CDKL5: variants seen among roughly 807,000 people sequenced by gnomAD.
CDKL5 encodes cyclin dependent kinase like 5.
Under a neutral mutation model 61.7 loss-of-function variants are expected in CDKL5, and 8 were observed. That is an observed-to-expected ratio of 0.13 (90% CI 0.08 to 0.23). The LOEUF (loss-of-function observed/expected upper bound fraction) is 0.23, where lower values mean the gene tolerates loss of function less well. Among genes scored for constraint, CDKL5 ranks in the 10% least tolerant of loss-of-function variants. CDKL5 has a pLI of 1.00. For synonymous variants in CDKL5, 275 were observed against 272.3 expected, an observed-to-expected ratio of 1.01 and a Z score of -0.10; for missense variants, 440 against 734.5, an observed-to-expected ratio of 0.60 and a Z score of 4.63.
chrX:18,429,303 A>T (rs910145624), intron 1 of CDKL5, among the ~76,000 whole-genome samples: 1 of 111,852 alleles, frequency 8.9e-6, no homozygotes, highest in African/African-American at 3.2e-5. Context: ...GTTTGAGACA[A>T]TCCTAATCAG....
chrX:18,442,434 T>C (rs1177077959), intron 1 of CDKL5: 1 of 111,842 alleles, frequency 8.9e-6, no homozygotes, highest in Non-Finnish European at 1.9e-5. Flanking sequence ...GTACTCTCCT[T>C]AGTTTTTGAG....
At chrX:18,477,115 G>A (rs1047165360) in intron 1 of CDKL5, among the ~76,000 whole-genome samples, 5 of 107,702 alleles carry the variant, frequency 4.6e-5, no homozygotes, top group Admixed American at 4.1e-4. Flanking sequence ...TTTTTGAGAC[G>A]GAGTCTCGCT....
At chrX:18,466,824 C>T in intron 1 of CDKL5, among the ~76,000 whole-genome samples, 1 of 111,347 alleles carries the variant, frequency 9.0e-6, no homozygotes, top group Non-Finnish European at 1.9e-5. Flanking sequence ...ATTTCCTAGT[C>T]CTTGTTCTTA....
At chrX:18,652,176 G>A (rs1305418510) in intron 21 of CDKL5, among the ~76,000 whole-genome samples, 1 of 111,421 alleles carries the variant, frequency 9.0e-6, no homozygotes, top group African/African-American at 3.3e-5. Flanking sequence ...TGGACAGATG[G>A]ATGGAGAGAT....
chrX:18,538,057 G>A (rs1923903438), intron 3 of CDKL5, among the ~76,000 whole-genome samples: 1 of 111,848 alleles, frequency 8.9e-6, no homozygotes, highest in African/African-American at 3.3e-5. Context: ...CTTCCCATCA[G>A]CAATGTGTGA....
At chrX:18,486,798 C>A (rs1389268227) in intron 1 of CDKL5, among the ~76,000 whole-genome samples, 1 of 111,918 alleles carries the variant, frequency 8.9e-6, no homozygotes, top group Admixed American at 9.5e-5. Flanking sequence ...TCAGATTTAT[C>A]TTTAATGCAG....
chrX:18,512,262 G>A (rs1017405896), intron 3 of CDKL5, among the ~76,000 whole-genome samples: 1 of 111,579 alleles, frequency 9.0e-6, no homozygotes, highest in Admixed American at 9.6e-5. Context: ...AAGTTTTTTC[G>A]TGATGTTTCA....
chrX:18,547,759 C>T (rs192670519), intron 3 of CDKL5, among the ~76,000 whole-genome samples: 2 of 111,875 alleles, frequency 1.8e-5, no homozygotes, highest in Admixed American at 9.5e-5. Context: ...ATTGAGCAGA[C>T]TTTTAGTTAC....
chrX:18,545,476 A>G (rs752604349), intron 3 of CDKL5, among the ~76,000 whole-genome samples: 21 of 112,234 alleles, frequency 1.9e-4, no homozygotes, highest in South Asian at 3.7e-4. Context: ...TATCCATGCC[A>G]GTACATTTAA....
At chrX:18,522,335 C>CTTTTTT (rs369618121) in intron 3 of CDKL5, among the ~76,000 whole-genome samples, 1 of 37,530 alleles carries the variant, frequency 2.7e-5, no homozygotes, top group African/African-American at 1.2e-4. Flanking sequence ...CAGGCTGGAG[C>CTTTTTT]TTTTTTTTTT....
Position 18,579,856 on chromosome X carries a change from C to T in CDKL5, c.291C>T (p.Leu97=), listed in dbSNP as rs138125282. Residue 97 remains leucine (L), a synonymous_variant, in exon 6 of 18, where the codon CTC becomes CTT. Transcript: ENST00000623535. Reference sequence around the variant, plus strand: ...CTCTATTTAATTTTTAGAATATGCTCGAATTGCTGGAAGAAATGCCAAATG... The same window carrying T: ...CTCTATTTAATTTTTAGAATATGCTTGAATTGCTGGAAGAAATGCCAAATG... The part of the protein sequence containing the change: ...LVFEYVEKNM[L]ELLEEMPNGV... 14 of 1,205,033 alleles carry T rather than the reference C, an allele frequency of 1.2e-5. No homozygotes were observed. Among genetic ancestry groups the T allele is most frequent in the Middle Eastern group, 4.6e-4 (2 of 4,354 alleles).
chrX:18,604,140 C>T lies in CDKL5; in HGVS notation c.1216C>T (p.Leu406Phe). ...DLTNNNIPHLLSPKEAKSKTE... is the reference protein window; with the variant it reads ...DLTNNNIPHLFSPKEAKSKTE... ...CACCAACAACAACATACCACACCTT[C>T]TTAGCCCAAAAGAAGCCAAGTCAAA... Residue 406 changes from leucine (L) to phenylalanine (F), a missense_variant, in exon 12 of 18, where the codon CTT (leucine) becomes TTT (phenylalanine). Around this residue, in one of 2 missense-constraint regions of CDKL5, gnomAD observed 363 missense variants for 516.3 expected, o/e 0.70. Coordinates refer to ENST00000623535, the MANE Select transcript of CDKL5 (RefSeq NM_001323289.2). 8.3e-7 allele frequency: 1 copy of T among 1,211,917 alleles called. No homozygotes were observed. Among genetic ancestry groups the T allele is most frequent in the Non-Finnish European group, 1.1e-6 (1 of 895,585 alleles).
Position 18,630,847 on chromosome X carries a change from A to G in CDKL5, c.*2090A>G. 2 of 750,937 alleles carry G rather than the reference A, an allele frequency of 2.7e-6. No homozygotes were observed. The highest frequency in any genetic ancestry group is 1.4e-4 in the South Asian group (2 of 14,609). The allele number at this position is 750,937 out of a possible 1,213,427, so 61.9% of individuals were successfully genotyped here. On this transcript the variant is annotated 3_prime_UTR_variant, in exon 18 of 18. Coordinates refer to ENST00000623535, the MANE Select transcript of CDKL5 (RefSeq NM_001323289.2). ...GGTAGCTCTGAATTCTGGCTTTTCC[A>G]GGCAGCTGCTTGATGATACAAATGA... is the stretch of plus-strand genomic sequence containing the variant.
chrX:18,645,202 G>C (rs967707509), intron 19 of CDKL5, among the ~76,000 whole-genome samples: 2 of 111,430 alleles, frequency 1.8e-5, no homozygotes, highest in Non-Finnish European at 3.8e-5. Context: ...AGTTCCCCCC[G>C]CCACCTCCTT....
chrX:18,549,797 C>T (rs1046115430), intron 3 of CDKL5, among the ~76,000 whole-genome samples: 1 of 111,299 alleles, frequency 9.0e-6, no homozygotes, highest in Non-Finnish European at 1.9e-5. Context: ...GAAGGTAAGC[C>T]AAAAGTGAAG....
intron 2 of CDKL5, among the ~76,000 whole-genome samples, chrX:18,509,228 CACACACACACACACACA>C (rs1569198484): frequency 9.3e-6 from 1 of 107,665 alleles, no homozygotes; most frequent in Admixed American, 1.1e-4. Flanking sequence ...CACACACACA[CACACACACACACACACA>C]CCCCTGTCAA....
At chrX:18,542,458 CTGGAGAAGAGAAGG>C (rs1263539175) in intron 3 of CDKL5, among the ~76,000 whole-genome samples, 7 of 110,394 alleles carry the variant, frequency 6.3e-5, no homozygotes, top group Non-Finnish European at 1.3e-4. Flanking sequence ...GGTCCTTTAG[CTGGAGAAGAGAAGG>C]CTTTTGTTGG....
intron 20 of CDKL5, chrX:18,647,438 GAGA>G: frequency 2.3e-6 from 2 of 874,229 alleles, no homozygotes; most frequent in Non-Finnish European, 3.3e-6. Flanking sequence ...TTCGGAGACG[GAGA>G]AGGCTTTACC....
intron 9 of CDKL5, 84 bp downstream of exon 9, chrX:18,588,227 A>C: frequency 1.4e-6 from 1 of 703,596 alleles, no homozygotes; most frequent in South Asian, 2.2e-5. Context: ...ATGCTAAACT[A>C]TCCTTTGAAT....
Sources: gnomAD v4.1 joint callset for allele counts (sites outside exome capture counted in the v4.1 genomes callset) on GRCh38, gnomAD v4.1.1 for gene constraint, gnomAD v4.1.1 regional missense constraint, MANE v1.5 for transcripts, NCBI Gene and HGNC (gene_info 2026-07-23, HGNC 2026-07-21) for gene names.